Variants in POLA1 observed in about 807,000 individuals in gnomAD.
The protein encoded by POLA1 is DNA polymerase alpha catalytic subunit.
POLA1 carries 15 observed loss-of-function variants against 124.0 expected under a neutral mutation model. The observed-to-expected ratio is 0.12, with a 90% confidence interval of 0.08 to 0.19. The LOEUF is 0.19. POLA1 is among the 10% of genes least tolerant of loss of function. The probability of loss-of-function intolerance (pLI) is 1.00; values close to 1 mark genes in which losing one functional copy is unlikely to be tolerated. For synonymous variants in POLA1, 408 were observed against 389.4 expected (o/e 1.05, Z -0.56); for missense variants, 886 against 1,103.4 (o/e 0.80, Z 2.79).
intron 26 of POLA1, among the ~76,000 whole-genome samples, chrX:24,767,799 C>T (rs1932942072): frequency 8.9e-6 from 1 of 112,054 alleles, no homozygotes; most frequent in East Asian, 2.8e-4. Context: ...TACCCTGTTC[C>T]TATAAGTGGG....
intron 15 of POLA1, among the ~76,000 whole-genome samples, chrX:24,730,339 G>T (rs1930825456): frequency 9.1e-6 from 1 of 110,471 alleles, no homozygotes. Context: ...TGTCTCCCGG[G>T]TTCAAGTGAT....
At chrX:24,847,522 C>G (rs2046492371) in intron 34 of POLA1, among the ~76,000 whole-genome samples, 1 of 111,603 alleles carries the variant, frequency 9.0e-6, no homozygotes, top group African/African-American at 3.3e-5. Context: ...ATTGCTGGCC[C>G]TAGATGGGGC....
chrX:24,795,662 A>AT (rs35044901), intron 26 of POLA1, among the ~76,000 whole-genome samples: 12,688 of 94,005 alleles, frequency 0.13, 1,407 homozygotes, highest in African/African-American at 0.33. Context: ...AGAAAGAAAG[A>AT]TTTTTTTTTT....
chrX:24,812,519 T>G (rs1338588290), intron 28 of POLA1, 139 bp from the exon 29 acceptor site: 1 of 444,376 alleles, frequency 2.3e-6, no homozygotes, highest in Non-Finnish European at 3.9e-6. Context: ...TAATATCATG[T>G]TACATACAAG....
Position 24,742,088 on chromosome X carries a change from C to T in POLA1, c.2433C>T (p.Asp811=). Residue 811 remains aspartate (D), a synonymous_variant, in exon 22 of 37, where the codon GAC becomes GAT. Coordinates refer to ENST00000379068, the MANE Select transcript of POLA1 (RefSeq NM_001330360.2). ...ACGAAAACAACTATATTGTGCCTGA[C>T]AAGCAGATTTTCAGAAAGCCTCAGC... The part of the protein sequence containing the change: ...AFYENNYIVP[D]KQIFRKPQQK... 8.3e-7 allele frequency: 1 copy of T among 1,200,125 alleles called. No individual in the cohort carries two copies. Among genetic ancestry groups the T allele is most frequent in the Non-Finnish European group, 1.1e-6 (1 of 888,719 alleles).
intron 28 of POLA1, among the ~76,000 whole-genome samples, chrX:24,811,831 A>G (rs1320911350): frequency 4.5e-5 from 5 of 112,014 alleles, no homozygotes; most frequent in Admixed American, 2.8e-4. Flanking sequence ...TGATTTTTAC[A>G]GGAGTACTTA....
At chrX:24,745,605 C>G in intron 24 of POLA1, 63 bp downstream of exon 24, 1 of 757,713 alleles carries the variant, frequency 1.3e-6, no homozygotes, top group South Asian at 2.3e-5. Context: ...GAAGGAAGAT[C>G]TGTGTCTTTT....
rs2048303928 is a variant in POLA1, at chrX:24,971,667, C to T, written c.4262-24138C>T. ...GACTCTGTTTTCACCCCTGGAAATA[C>T]ACACACCCATACAGATAGGCATTTA... On this transcript the variant is annotated intron_variant, in intron 36 of 36. Coordinates refer to ENST00000379068, the MANE Select transcript of POLA1 (RefSeq NM_001330360.2). 2.7e-5 allele frequency among the ~76,000 whole-genome samples: 3 copies of T among 112,319 alleles called. No individual in the cohort carries two copies. The South Asian group carries it at 1.1e-3, about 42-fold the overall frequency.
chrX:24,817,607 C>CAAAAAA (rs1171262514), intron 30 of POLA1, among the ~76,000 whole-genome samples: 28 of 33,293 alleles, frequency 8.4e-4, no homozygotes, highest in African/African-American at 1.6e-3. Context: ...GATTCCATCT[C>CAAAAAA]AAAAAAAAAA....
At chrX:24,710,251 C>G (rs1477050300) in intron 4 of POLA1, among the ~76,000 whole-genome samples, 1 of 111,425 alleles carries the variant, frequency 9.0e-6, no homozygotes, top group Non-Finnish European at 1.9e-5. Context: ...AAAATGGAAG[C>G]CCTGTACCCA....
At chrX:24,985,071 GA>G (rs2048467096) in intron 36 of POLA1, among the ~76,000 whole-genome samples, 1 of 112,100 alleles carries the variant, frequency 8.9e-6, no homozygotes, top group South Asian at 3.8e-4. Flanking sequence ...GTGGCGTTGT[GA>G]AAAGCCTCTT....
Position 24,723,201 on chromosome X carries a change from C to T in POLA1, c.1134C>T (p.Thr378=). Residue 378 remains threonine, a synonymous_variant, in exon 11 of 37, where the codon ACC becomes ACT. Transcript: ENST00000379068. ...FGKVWIESAE[T]HVSCCVMVKN... is the part of the protein sequence containing the mutation. ...AAGTTTGGATTGAATCAGCCGAGAC[C>T]CATGTGAGCTGTTGTGTCATGGTGA... 8.3e-7 allele frequency: 1 copy of T among 1,208,178 alleles called. No homozygotes were observed. The highest frequency in any genetic ancestry group is 3.0e-5 in the East Asian group (1 of 33,834).
At chrX:24,868,828 C>T (rs1230626017) in intron 34 of POLA1, among the ~76,000 whole-genome samples, 2 of 112,057 alleles carry the variant, frequency 1.8e-5, no homozygotes, top group African/African-American at 6.5e-5. Context: ...GGCAGTGGCT[C>T]CACAGCATTC....
At chrX:24,835,626 G>T (rs1601786692) in intron 32 of POLA1, among the ~76,000 whole-genome samples, 1 of 109,022 alleles carries the variant, frequency 9.2e-6, no homozygotes, top group Admixed American at 9.7e-5. Flanking sequence ...TTGTCCTATA[G>T]AATTTTTCTC....
chrX:24,911,924 T>G (rs958807854), intron 35 of POLA1, among the ~76,000 whole-genome samples: 2 of 112,245 alleles, frequency 1.8e-5, no homozygotes, highest in Non-Finnish European at 3.8e-5. Context: ...GAAATTGTAT[T>G]TATAGTTAAG....
At chrX:24,801,924 G>GGTGGGTGGGTGTGT (rs1555994716) in intron 26 of POLA1, among the ~76,000 whole-genome samples, 2 of 74,536 alleles carry the variant, frequency 2.7e-5, no homozygotes, top group Admixed American at 1.7e-4. Flanking sequence ...GAGGTGGGTG[G>GGTGGGTGGGTGTGT]GTGTGTGTGT....
intron 33 of POLA1, 134 bp from the exon 34 acceptor site, chrX:24,843,412 A>T: frequency 2.5e-6 from 1 of 403,878 alleles, no homozygotes; most frequent in Non-Finnish European, 4.2e-6. Flanking sequence ...AATAATTGAG[A>T]AGATAGGGTT....
chrX:24,932,896 G>C (rs779693981), intron 36 of POLA1, among the ~76,000 whole-genome samples: 1 of 111,511 alleles, frequency 9.0e-6, no homozygotes, highest in South Asian at 3.8e-4. Flanking sequence ...GTGGTATTAG[G>C]GTATTCATAA....
chrX:24,930,590 A>T, intron 36 of POLA1, 41 bp downstream of exon 36: 1 of 870,533 alleles, frequency 1.1e-6, no homozygotes, highest in South Asian at 2.1e-5. Flanking sequence ...TTTAAAGTGG[A>T]AATTTGCATT....
Sources: allele counts gnomAD v4.1 joint callset (sites outside exome capture counted in the v4.1 genomes callset), GRCh38; gene constraint gnomAD v4.1.1; transcripts MANE v1.5; gene names NCBI Gene and HGNC (gene_info 2026-07-23, HGNC 2026-07-21).